The following DGKB variants were observed in gnomAD, a reference collection of about 807,000 sequenced individuals.
DGKB encodes 90 kDa diacylglycerol kinase.
Under a neutral mutation model 114.3 loss-of-function variants are expected in DGKB, and 67 were observed. The observed-to-expected ratio is 0.59, with a 90% CI of 0.48 to 0.72. The LOEUF (loss-of-function observed/expected upper bound fraction) is 0.72. Ranked by LOEUF, DGKB falls within the 30% of genes least tolerant of loss-of-function variation. The pLI is 0.00. For synonymous variants in DGKB, 398 were observed against 323.1 expected, an observed-to-expected ratio of 1.23 and a Z score of -2.49; for missense variants, 907 against 975.2, an observed-to-expected ratio of 0.93 and a Z score of 0.93.
At chr7:14,643,619 G>C (rs1273845646) in intron 13 of DGKB, among the ~76,000 whole-genome samples, 1 of 152,050 alleles carries the variant, frequency 6.6e-6, no homozygotes, top group Non-Finnish European at 1.5e-5. Context: ...CCAGAAAATA[G>C]GTGATCTAAA....
At chr7:14,483,958 T>C (rs1416780198) in intron 20 of DGKB, among the ~76,000 whole-genome samples, 1 of 152,144 alleles carries the variant, frequency 6.6e-6, no homozygotes, top group Non-Finnish European at 1.5e-5. Flanking sequence ...ACATTTCTGT[T>C]GTTATAAGTC....
chr7:14,694,576 T>C (rs930762327), intron 8 of DGKB, among the ~76,000 whole-genome samples: 1 of 152,240 alleles, frequency 6.6e-6, no homozygotes, highest in Non-Finnish European at 1.5e-5. Context: ...GCTCATATAA[T>C]TCTTTGCTAA....
intron 20 of DGKB, among the ~76,000 whole-genome samples, chr7:14,489,746 G>A (rs1784346503): frequency 6.6e-6 from 1 of 152,190 alleles, no homozygotes; most frequent in Non-Finnish European, 1.5e-5. Context: ...GGGAGAGTAA[G>A]AGGTAGGGAT....
chr7:14,870,305 C>T (rs189234298), intron 1 of DGKB, among the ~76,000 whole-genome samples: 2 of 152,026 alleles, frequency 1.3e-5, no homozygotes, highest in East Asian at 1.9e-4. Flanking sequence ...TGTGCTCAAA[C>T]GATATTGAAT....
intron 2 of DGKB, among the ~76,000 whole-genome samples, chr7:14,809,228 T>C (rs540587200): frequency 1.3e-5 from 2 of 152,250 alleles, no homozygotes; most frequent in South Asian, 4.1e-4. Context: ...TAATAGTATT[T>C]TATATGTACA....
At chr7:14,907,048 C>T (rs2128242058), upstream of DGKB, among the ~76,000 whole-genome samples, 1 of 152,254 alleles carries the variant, frequency 6.6e-6, no homozygotes, top group South Asian at 2.1e-4. Flanking sequence ...TAGCTACTTC[C>T]TAAATTTAAC....
At chr7:14,816,391 C>T (rs1463481696) in intron 2 of DGKB, 1 of 152,096 alleles carries the variant, frequency 6.6e-6, no homozygotes, top group African/African-American at 2.4e-5. Flanking sequence ...TCATTCTCCA[C>T]CCAGACTGCC....
chr7:14,557,419 AT>A, intron 20 of DGKB, among the ~76,000 whole-genome samples: 1 of 151,720 alleles, frequency 6.6e-6, no homozygotes, highest in African/African-American at 2.4e-5. Context: ...TCTATTTGTC[AT>A]TTTTTTAGGG....
chr7:14,227,071 A>G (rs1417936184), intron 23 of DGKB, among the ~76,000 whole-genome samples: 10 of 151,980 alleles, frequency 6.6e-5, no homozygotes, highest in Non-Finnish European at 1.5e-4. Context: ...GTTTTAAGAG[A>G]AAGCTGCCAT....
At chr7:14,584,790 G>C (rs1296320173) in intron 17 of DGKB, among the ~76,000 whole-genome samples, 1 of 151,750 alleles carries the variant, frequency 6.6e-6, no homozygotes, top group Admixed American at 6.6e-5. Context: ...TCCCAAGTAA[G>C]CTGGGATTAC....
chr7:14,854,890 C>A (rs569220203), intron 1 of DGKB, among the ~76,000 whole-genome samples: 152 of 152,086 alleles, frequency 1.0e-3, no homozygotes, highest in African/African-American at 3.5e-3. Flanking sequence ...GAAATAGACA[C>A]GTAATAGCTC....
intron 21 of DGKB, among the ~76,000 whole-genome samples, chr7:14,402,218 C>G (rs1823235506): frequency 6.6e-6 from 1 of 151,606 alleles, no homozygotes; most frequent in Admixed American, 6.6e-5. Context: ...TCATTCTTAC[C>G]ATTAAACTGT....
At chr7:14,448,217 C>T (rs1290854594) in intron 21 of DGKB, among the ~76,000 whole-genome samples, 2 of 151,908 alleles carry the variant, frequency 1.3e-5, no homozygotes, top group African/African-American at 4.8e-5. Context: ...TCTATGAGTA[C>T]TGGGAACATT....
chr7:14,848,906 T>A (rs1848988624), intron 1 of DGKB, among the ~76,000 whole-genome samples: 3 of 152,086 alleles, frequency 2.0e-5, no homozygotes, highest in African/African-American at 7.2e-5. Flanking sequence ...CCCCTTCTCT[T>A]TTCAAAAGCA....
chr7:14,694,107 T>C lies in DGKB; in HGVS notation c.679A>G (p.Ile227Val). The C allele has an allele frequency of 6.3e-7, 1 of 1,592,374 alleles. No homozygotes were observed. Among genetic ancestry groups the C allele is most frequent in the Non-Finnish European group, 8.6e-7 (1 of 1,167,924 alleles). ...AAGCCCAGGAGCACAAGAAGTGGAA[T>C]CGTTGTCATTCCTCCTTGAATCCAT... ...EEWIQGGMTT[I>V]PLLVLLGLEN... Residue 227 changes from isoleucine (I) to valine (V), a missense_variant, in exon 9 of 26, where the codon ATT (isoleucine) becomes GTT (valine). Physicochemically the swap from Ile to Val is conservative, Grantham distance 29. Coordinates refer to ENST00000402815, the MANE Select transcript of DGKB (RefSeq NM_001350709.2).
At chr7:14,242,681 TATAA>T (rs1793849710) in intron 23 of DGKB, among the ~76,000 whole-genome samples, 25 of 151,792 alleles carry the variant, frequency 1.6e-4, no homozygotes, top group Admixed American at 1.6e-3. Context: ...TCCAGCTTCT[TATAA>T]GATAAGTCAT....
chr7:14,580,873 C>T lies in DGKB; in HGVS notation c.1598G>A (p.Arg533Gln), dbSNP rs536197059. ...GTGNDLARCL[R>Q]WGGGYEGENL... Reference sequence around the variant, plus strand: ...TGCAGCTGCTTTACCTCCTCCCCATCGCAGGCATCTTGCTAGATCATTGCC... The same window carrying T: ...TGCAGCTGCTTTACCTCCTCCCCATTGCAGGCATCTTGCTAGATCATTGCC... The change falls in exon 19 of 26, where the codon CGA becomes CAA. Residue 533 changes from arginine (R) to glutamine (Q), a missense_variant. By Grantham distance (43) the Arg-to-Gln change is conservative (BLOSUM62 1). This residue lies in a region of DGKB where 814 missense variants were observed against 856.6 expected (regional missense o/e 0.95). Coordinates refer to ENST00000402815, the MANE Select transcript of DGKB (RefSeq NM_001350709.2). 1.6e-5 allele frequency: 25 copies of T among 1,602,964 alleles called. No homozygotes were observed. The South Asian group carries it at 1.7e-4, about 11-fold the overall frequency.
intron 21 of DGKB, among the ~76,000 whole-genome samples, chr7:14,409,791 T>C (rs897250764): frequency 2.6e-5 from 4 of 152,018 alleles, no homozygotes; most frequent in Admixed American, 2.6e-4. Flanking sequence ...GTTGTGTTTG[T>C]CCCCATTTCA....
At chr7:14,858,636 G>T (rs184372108) in intron 1 of DGKB, among the ~76,000 whole-genome samples, 2 of 152,080 alleles carry the variant, frequency 1.3e-5, no homozygotes, top group Non-Finnish European at 2.9e-5. Flanking sequence ...GCAGAGCACC[G>T]TGAGGGATAT....
Sources: gnomAD v4.1 joint callset for allele counts (sites outside exome capture counted in the v4.1 genomes callset) on GRCh38, gnomAD v4.1.1 for gene constraint, gnomAD v4.1.1 regional missense constraint, MANE v1.5 for transcripts, NCBI Gene and HGNC (gene_info 2026-07-23, HGNC 2026-07-21) for gene names.